FAXC: variants seen among roughly 807,000 people sequenced by gnomAD.
The protein encoded by FAXC is failed axon connections homolog, metaxin like GST domain containing.
FAXC carries 10 observed loss-of-function variants against 41.9 expected under a neutral mutation model. The observed-to-expected ratio is 0.24, with a 90% confidence interval of 0.15 to 0.41. The LOEUF is 0.41. FAXC is among the 10% of genes least tolerant of loss of function. The pLI, the probability that FAXC is intolerant of heterozygous loss-of-function variation, is 1.00. For synonymous variants in FAXC, 183 were observed against 183.8 expected (o/e 1.00, Z 0.03); for missense variants, 399 against 510.9 (o/e 0.78, Z 2.11).
At chr6:99,298,493 G>C (rs1462483215) in intron 4 of FAXC, among the ~76,000 whole-genome samples, 1 of 152,126 alleles carries the variant, frequency 6.6e-6, no homozygotes, top group Non-Finnish European at 1.5e-5. Context: ...TGATACTGCT[G>C]CTCCAGGGAG....
intron 2 of FAXC, among the ~76,000 whole-genome samples, chr6:99,340,866 G>T (rs915026490): frequency 6.0e-5 from 9 of 151,244 alleles, no homozygotes; most frequent in Admixed American, 6.6e-5. Context: ...ATGGGGTTTC[G>T]CCATGTTGGT....
chr6:99,287,472 G>A (rs1771069172), intron 5 of FAXC, among the ~76,000 whole-genome samples: 1 of 152,062 alleles, frequency 6.6e-6, no homozygotes. Flanking sequence ...GCATACATAT[G>A]TATATTCAAA....
At chr6:99,283,948 CA>C (rs1770923003) in intron 5 of FAXC, among the ~76,000 whole-genome samples, 1 of 152,178 alleles carries the variant, frequency 6.6e-6, no homozygotes, top group East Asian at 1.9e-4. Flanking sequence ...TTTCTTTCTA[CA>C]GGCTTGTTTC....
chr6:99,347,983 A>G (rs930806653), intron 1 of FAXC, among the ~76,000 whole-genome samples: 8 of 152,232 alleles, frequency 5.3e-5, no homozygotes, highest in Admixed American at 2.0e-4. Context: ...CTCCAAACCT[A>G]AATGATTTCC....
chr6:99,288,859 T>TATACACACACACAC (rs145248580), intron 5 of FAXC, among the ~76,000 whole-genome samples: 2 of 145,852 alleles, frequency 1.4e-5, no homozygotes, highest in African/African-American at 5.1e-5. Flanking sequence ...CACACACACA[T>TATACACACACACAC]ACACACACAC....
At chr6:99,318,260 A>AAAACACACACACACACAC (rs1294149379) in intron 4 of FAXC, among the ~76,000 whole-genome samples, 3 of 64,814 alleles carry the variant, frequency 4.6e-5, no homozygotes, top group South Asian at 4.8e-4. Context: ...CTCCGTCTCA[A>AAAACACACACACACACAC]ACACACACAC....
Position 99,336,684 on chromosome 6 carries a change from G to A in FAXC, c.403-3137C>T, listed in dbSNP as rs970189606. Among the ~76,000 whole-genome samples the A allele has an allele frequency of 6.6e-5, 10 of 152,274 alleles. No homozygotes were observed. The East Asian group carries it at 1.9e-3, about 29-fold the overall frequency. On this transcript the variant is annotated intron_variant, in intron 2 of 5. Transcript: ENST00000389677. ...TCTCATTCCATCATTTATTCACGGAGTGACCCTGGACCTCCCTGGGTCTCC... is the reference window on the plus strand; with the variant it reads ...TCTCATTCCATCATTTATTCACGGAATGACCCTGGACCTCCCTGGGTCTCC...
At chr6:99,329,682 T>A (rs796827867) in intron 3 of FAXC, among the ~76,000 whole-genome samples, 21 of 151,996 alleles carry the variant, frequency 1.4e-4, no homozygotes, top group African/African-American at 5.1e-4. Context: ...AAGGAGAACA[T>A]ATGAACAAAG....
chr6:99,343,549 C>T (rs1773495779), intron 1 of FAXC, among the ~76,000 whole-genome samples: 1 of 152,156 alleles, frequency 6.6e-6, no homozygotes, highest in South Asian at 2.1e-4. Flanking sequence ...AATTAAGGCA[C>T]AGAGGATTAA....
intron 4 of FAXC, among the ~76,000 whole-genome samples, chr6:99,317,538 G>A (rs994041431): frequency 1.6e-4 from 25 of 152,288 alleles, no homozygotes; most frequent in Admixed American, 1.4e-3. Flanking sequence ...AGAAACCAAG[G>A]TAGTAGTCAG....
chr6:99,288,716 G>A (rs558184060), intron 5 of FAXC, among the ~76,000 whole-genome samples: 1 of 152,068 alleles, frequency 6.6e-6, no homozygotes, highest in Admixed American at 6.5e-5. Flanking sequence ...GAAAACCTTC[G>A]ATCAATGCCT....
At position 99,321,860 on chromosome 6, in the gene FAXC, A is replaced by T. The variant is rs114616644; in HGVS notation, c.823+1584T>A. Among the ~76,000 whole-genome samples the T allele has an allele frequency of 9.3e-3, 1,417 of 152,360 alleles. 30 individuals carry two copies. The highest frequency in any genetic ancestry group is 0.031 in the African/African-American group (1,284 of 41,590). On this transcript the variant is annotated intron_variant, in intron 4 of 5. Coordinates refer to ENST00000389677, the MANE Select transcript of FAXC (RefSeq NM_032511.4). ...CTCTGGTTAAAAAAGCAACACTGTT[A>T]AAGATGTGTGGTGCTTATAGCATAA...
chr6:99,282,361 T>C (rs1305393021), intron 5 of FAXC, among the ~76,000 whole-genome samples: 2 of 152,156 alleles, frequency 1.3e-5, no homozygotes, highest in Non-Finnish European at 2.9e-5. Context: ...GACATAAACC[T>C]TTCCCCCCAA....
intron 4 of FAXC, among the ~76,000 whole-genome samples, chr6:99,322,325 T>C (rs1163922232): frequency 2.0e-5 from 3 of 152,162 alleles, no homozygotes; most frequent in Non-Finnish European, 2.9e-5. Context: ...GTCTGAAATG[T>C]AGAGCAGAAA....
chr6:99,300,989 T>C (rs1355948747), intron 4 of FAXC, among the ~76,000 whole-genome samples: 1 of 152,260 alleles, frequency 6.6e-6, no homozygotes, highest in Non-Finnish European at 1.5e-5. Flanking sequence ...TCCACATTCC[T>C]GAAGGACTTT....
intron 4 of FAXC, 49 bp from the exon 5 acceptor site, chr6:99,291,869 A>T (rs781161318): frequency 7.7e-7 from 1 of 1,298,952 alleles, no homozygotes; most frequent in Non-Finnish European, 1.1e-6. Context: ...ACACTGCCCC[A>T]CATCATCACA....
chr6:99,329,620 C>A (rs1200349549), intron 3 of FAXC, among the ~76,000 whole-genome samples: 2 of 152,060 alleles, frequency 1.3e-5, no homozygotes, highest in African/African-American at 4.8e-5. Flanking sequence ...TCAACTCCCC[C>A]AAACAGGGGC....
chr6:99,332,049 C>A (rs1156859740), intron 3 of FAXC, among the ~76,000 whole-genome samples: 1 of 152,202 alleles, frequency 6.6e-6, no homozygotes, highest in East Asian at 1.9e-4. Context: ...TGTCTCCAGC[C>A]TCTCCCCAGC....
chr6:99,301,593 C>G (rs1239058878), intron 4 of FAXC, among the ~76,000 whole-genome samples: 1 of 152,208 alleles, frequency 6.6e-6, no homozygotes, highest in African/African-American at 2.4e-5. Flanking sequence ...ACAGAAACCT[C>G]TTGTGTGCCA....
Sources: allele counts gnomAD v4.1 joint callset (sites outside exome capture counted in the v4.1 genomes callset), GRCh38; gene constraint gnomAD v4.1.1; transcripts MANE v1.5; gene names NCBI Gene and HGNC (gene_info 2026-07-23, HGNC 2026-07-21).